NKAIN3: variants seen among roughly 807,000 people sequenced by gnomAD.
NKAIN3 encodes the protein sodium/potassium transporting ATPase interacting 3.
NKAIN3 carries 25 observed loss-of-function variants against 30.2 expected under a neutral mutation model. That is an observed-to-expected ratio of 0.83 (90% CI 0.60 to 1.16). NKAIN3 has a LOEUF of 1.16. Among genes scored for constraint, NKAIN3 ranks in the 50% most tolerant of loss-of-function variants. The pLI is 0.00. For missense variants in NKAIN3, 225 were observed against 254.1 expected (o/e 0.89, Z 0.78); for synonymous variants, 91 against 89.6 (o/e 1.02, Z -0.09).
chr8:62,955,959 C>T (rs1157783800), intron 6 of NKAIN3, among the ~76,000 whole-genome samples: 1 of 152,222 alleles, frequency 6.6e-6, no homozygotes, highest in Non-Finnish European at 1.5e-5. Flanking sequence ...TCTGCTTTGA[C>T]AGATTATGCA....
In NKAIN3 at chr8:62,461,666, G is replaced by A. The variant is rs556153523; in HGVS notation, c.55-117873G>A. Among the ~76,000 whole-genome samples the A allele has an allele frequency of 2.6e-5, 4 of 152,298 alleles. No individual in the cohort carries two copies. In the East Asian group the frequency reaches 7.7e-4, roughly 29 times the overall value. Reference sequence around the variant, plus strand: ...AAAATAGAAATTCTGAAGTTGAAAAGTATAATAACCTAAAAGAAAAATTCA... The same window carrying A: ...AAAATAGAAATTCTGAAGTTGAAAAATATAATAACCTAAAAGAAAAATTCA... On this transcript the variant is annotated intron_variant, in intron 1 of 6. Coordinates refer to ENST00000623646, the MANE Select transcript of NKAIN3 (RefSeq NM_001304533.3).
At chr8:62,645,448 A>C (rs1200001465) in intron 3 of NKAIN3, among the ~76,000 whole-genome samples, 1 of 152,148 alleles carries the variant, frequency 6.6e-6, no homozygotes. Flanking sequence ...ATGTAGGGAG[A>C]ATACTCAGTT....
chr8:62,611,322 T>C (rs1811283372), intron 3 of NKAIN3, among the ~76,000 whole-genome samples: 1 of 152,088 alleles, frequency 6.6e-6, no homozygotes, highest in Non-Finnish European at 1.5e-5. Context: ...AAAAATCCAA[T>C]TACATTCTTT....
intron 4 of NKAIN3, among the ~76,000 whole-genome samples, chr8:62,892,563 A>G (rs1821324665): frequency 6.6e-6 from 1 of 152,208 alleles, no homozygotes; most frequent in South Asian, 2.1e-4. Flanking sequence ...TTCTGAAGAA[A>G]ATAAATAAAC....
intron 1 of NKAIN3, among the ~76,000 whole-genome samples, chr8:62,370,410 G>GA (rs773529502): frequency 3.2e-4 from 49 of 151,596 alleles, no homozygotes; most frequent in Non-Finnish European, 6.2e-4. Context: ...GCTTGAAGCT[G>GA]AAAAAAGAAA....
intron 1 of NKAIN3, among the ~76,000 whole-genome samples, chr8:62,324,945 C>T (rs1815065560): frequency 6.6e-6 from 1 of 151,534 alleles, no homozygotes; most frequent in African/African-American, 2.4e-5. Context: ...TGTCATCCTG[C>T]AGTGTTTCTT....
intron 1 of NKAIN3, among the ~76,000 whole-genome samples, chr8:62,330,361 A>T (rs1165112322): frequency 1.3e-5 from 2 of 152,024 alleles, no homozygotes; most frequent in African/African-American, 4.8e-5. Context: ...GGAAACAAGG[A>T]GGCACTGGCT....
Position 62,498,637 on chromosome 8 carries a change from G to A in NKAIN3, c.55-80902G>A, listed in dbSNP as rs184327184. 3.9e-3 allele frequency among the ~76,000 whole-genome samples: 586 copies of A among 152,008 alleles called. 2 individuals carry two copies. The highest frequency in any genetic ancestry group is 6.6e-3 in the Admixed American group (100 of 15,248). On this transcript the variant is annotated intron_variant, in intron 1 of 6. Coordinates refer to ENST00000623646, the MANE Select transcript of NKAIN3 (RefSeq NM_001304533.3). ...CTTTTTAGGGAAGACCTGAAAAGTT[G>A]CATGGCAGAGGTACTGAATACATGC...
chr8:62,681,773 T>C (rs1813651910), intron 3 of NKAIN3, among the ~76,000 whole-genome samples: 1 of 152,228 alleles, frequency 6.6e-6, no homozygotes, highest in African/African-American at 2.4e-5. Context: ...ATATTGGTCA[T>C]GCCGCTTTAT....
chr8:62,504,507 G>GTCATGTAGA (rs1807571309), intron 1 of NKAIN3, among the ~76,000 whole-genome samples: 1 of 151,946 alleles, frequency 6.6e-6, no homozygotes. Context: ...CACTGGTCAT[G>GTCATGTAGA]TCATGTAGAT....
downstream of NKAIN3, among the ~76,000 whole-genome samples, chr8:62,986,903 G>T (rs1307226902): frequency 6.6e-6 from 1 of 152,088 alleles, no homozygotes; most frequent in Non-Finnish European, 1.5e-5. Flanking sequence ...CCCAACATAG[G>T]TTATCAGCCT....
intron 1 of NKAIN3, chr8:62,344,741 C>T: frequency 3.4e-6 from 1 of 298,256 alleles, no homozygotes; most frequent in Non-Finnish European, 6.6e-6. Flanking sequence ...TGTCAGTACT[C>T]CAGTTTGCTA....
At chr8:62,739,131 G>A (rs1237609842) in intron 3 of NKAIN3, among the ~76,000 whole-genome samples, 1 of 152,120 alleles carries the variant, frequency 6.6e-6, no homozygotes, top group African/African-American at 2.4e-5. Context: ...GAGGCTAGGA[G>A]AGGAATAGCA....
intron 4 of NKAIN3, among the ~76,000 whole-genome samples, chr8:62,755,894 G>A (rs1171201880): frequency 1.3e-5 from 2 of 152,108 alleles, no homozygotes; most frequent in Admixed American, 6.5e-5. Flanking sequence ...GAATTTCCAT[G>A]CCAAAAATAT....
intron 3 of NKAIN3, among the ~76,000 whole-genome samples, chr8:62,716,627 T>C (rs1184052926): frequency 2.6e-5 from 4 of 152,044 alleles, no homozygotes; most frequent in African/African-American, 9.7e-5. Flanking sequence ...TAAAGTAGGT[T>C]AAAAAATACA....
chr8:62,863,455 C>T (rs1820318355), intron 4 of NKAIN3: 1 of 1,550,498 alleles, frequency 6.4e-7, no homozygotes, highest in Admixed American at 1.8e-5. Flanking sequence ...ATATTCTAAC[C>T]CTTGAAGGAA....
intron 1 of NKAIN3, among the ~76,000 whole-genome samples, chr8:62,287,042 C>T (rs1017774252): frequency 1.3e-5 from 2 of 150,890 alleles, no homozygotes; most frequent in African/African-American, 4.9e-5. Flanking sequence ...CCTCATACTA[C>T]TATCTGCATG....
At chr8:62,399,887 G>T (rs1263441236) in intron 1 of NKAIN3, among the ~76,000 whole-genome samples, 2 of 152,146 alleles carry the variant, frequency 1.3e-5, no homozygotes, top group Admixed American at 6.5e-5. Flanking sequence ...TCAGAGATGT[G>T]CAAGCTTCTT....
chr8:62,999,447 T>C (rs889786884), exon 6 of NKAIN3: 1 of 152,234 alleles, frequency 6.6e-6, no homozygotes, highest in Non-Finnish European at 1.5e-5. Flanking sequence ...CTATTTATAA[T>C]GGATCCATCC....
Sources: gnomAD v4.1 joint callset for allele counts (sites outside exome capture counted in the v4.1 genomes callset) on GRCh38, gnomAD v4.1.1 for gene constraint, MANE v1.5 for transcripts, NCBI Gene and HGNC (gene_info 2026-07-23, HGNC 2026-07-21) for gene names.